ATP2B2: variants seen among roughly 807,000 people sequenced by gnomAD.
The protein encoded by ATP2B2 is plasma membrane calcium-transporting ATPase 2.
A neutral mutation model predicts 120.0 loss-of-function variants in ATP2B2; 15 were observed. The observed-to-expected ratio is 0.12, with a 90% CI of 0.08 to 0.19. The LOEUF (loss-of-function observed/expected upper bound fraction) is 0.19. Ranked by LOEUF, ATP2B2 falls within the 10% of genes least tolerant of loss-of-function variation. The pLI is 1.00. For synonymous variants in ATP2B2, 694 were observed against 700.3 expected (o/e 0.99, Z 0.14); for missense variants, 1,045 against 1,719.8 (o/e 0.61, Z 6.94).
intron 2 of ATP2B2, among the ~76,000 whole-genome samples, chr3:10,447,098 G>T (rs1032048249): frequency 6.6e-6 from 1 of 152,178 alleles, no homozygotes; most frequent in African/African-American, 2.4e-5. Flanking sequence ...GAGTCCTGGG[G>T]TCCTTGCTGC....
chr3:10,452,004 T>C (rs1405862775), intron 1 of ATP2B2, among the ~76,000 whole-genome samples: 3 of 152,238 alleles, frequency 2.0e-5, no homozygotes, highest in Non-Finnish European at 4.4e-5. Flanking sequence ...TGTAGCTACC[T>C]AGTAAACAAT....
At chr3:10,605,074 G>C (rs937798360) in intron 2 of ATP2B2, among the ~76,000 whole-genome samples, 6 of 152,128 alleles carry the variant, frequency 3.9e-5, no homozygotes, top group Non-Finnish European at 7.4e-5. Flanking sequence ...AGCATCTATT[G>C]CACCAAAGCA....
At chr3:10,526,600 T>A (rs547896715) in intron 3 of ATP2B2, among the ~76,000 whole-genome samples, 1 of 152,234 alleles carries the variant, frequency 6.6e-6, no homozygotes, top group East Asian at 1.9e-4. Flanking sequence ...CAGATTCCCC[T>A]GTGTGGCACC....
At chr3:10,650,070 C>A (rs180703888) in intron 1 of ATP2B2, among the ~76,000 whole-genome samples, 1 of 152,120 alleles carries the variant, frequency 6.6e-6, no homozygotes, top group African/African-American at 2.4e-5. Flanking sequence ...ACTGTGGAAG[C>A]GACTTTGGAA....
intron 1 of ATP2B2, among the ~76,000 whole-genome samples, chr3:10,656,020 G>C (rs2070617631): frequency 6.6e-6 from 1 of 152,228 alleles, no homozygotes; most frequent in Non-Finnish European, 1.5e-5. Flanking sequence ...GGATTGATGA[G>C]TCCAAACAGA....
intron 7 of ATP2B2, among the ~76,000 whole-genome samples, chr3:10,385,647 G>A (rs929710555): frequency 1.3e-5 from 2 of 152,184 alleles, no homozygotes; most frequent in Non-Finnish European, 2.9e-5. Flanking sequence ...AGAGTCCCCT[G>A]GAAGAGAGGG....
intron 1 of ATP2B2, among the ~76,000 whole-genome samples, chr3:10,484,450 C>G (rs1480362051): frequency 1.3e-5 from 2 of 152,088 alleles, no homozygotes; most frequent in Non-Finnish European, 2.9e-5. Context: ...CCCGTACCCC[C>G]ACAGCCACCT....
At chr3:10,376,736 C>T (rs1187055119) in intron 10 of ATP2B2, among the ~76,000 whole-genome samples, 3 of 152,214 alleles carry the variant, frequency 2.0e-5, no homozygotes, top group East Asian at 1.9e-4. Flanking sequence ...CAGTGGCTGA[C>T]GTGTTAGTCC....
intron 7 of ATP2B2, 126 bp downstream of exon 7, chr3:10,386,354 G>T: frequency 9.5e-7 from 1 of 1,049,996 alleles, no homozygotes; most frequent in Non-Finnish European, 1.5e-6. Flanking sequence ...GGGTCTGGGG[G>T]GTGGAGCCAC....
chr3:10,476,235 C>T (rs77127134), intron 1 of ATP2B2, among the ~76,000 whole-genome samples: 5,927 of 152,232 alleles, frequency 0.039, 384 homozygotes, highest in African/African-American at 0.14. Context: ...TAGCTGAAGC[C>T]GTGGAGAGCT....
intron 19 of ATP2B2, among the ~76,000 whole-genome samples, chr3:10,341,074 C>G (rs528946546): frequency 6.6e-6 from 1 of 152,114 alleles, no homozygotes; most frequent in Non-Finnish European, 1.5e-5. Flanking sequence ...GGAGGTTTTG[C>G]GCTGCCCCGA....
At chr3:10,557,119 T>C (rs777546868) in intron 2 of ATP2B2, among the ~76,000 whole-genome samples, 11 of 152,166 alleles carry the variant, frequency 7.2e-5, no homozygotes, top group Non-Finnish European at 1.5e-4. Flanking sequence ...GTGTTTCTAA[T>C]TGGCATCTCT....
chr3:10,617,100 G>T (rs2069410635), intron 2 of ATP2B2, among the ~76,000 whole-genome samples: 2 of 152,286 alleles, frequency 1.3e-5, no homozygotes, highest in South Asian at 4.1e-4. Flanking sequence ...CTGGCCATTG[G>T]CATTGTTTCC....
intron 1 of ATP2B2, among the ~76,000 whole-genome samples, chr3:10,706,104 G>C (rs556727357): frequency 6.6e-6 from 1 of 152,312 alleles, no homozygotes; most frequent in East Asian, 1.9e-4. Flanking sequence ...CTTGATTTCC[G>C]CTAGCTGTGG....
chr3:10,545,147 G>T (rs559953393), intron 2 of ATP2B2, among the ~76,000 whole-genome samples: 199 of 152,346 alleles, frequency 1.3e-3, no homozygotes, highest in African/African-American at 4.7e-3. Flanking sequence ...AGTCTCAGAA[G>T]ATTACATACT....
At chr3:10,349,862 C>T (rs529524202) in intron 16 of ATP2B2, among the ~76,000 whole-genome samples, 27 of 152,220 alleles carry the variant, frequency 1.8e-4, no homozygotes, top group Admixed American at 3.9e-4. Context: ...TGGGACCCCA[C>T]ACAGGCCCAG....
At chr3:10,541,355 GCTT>G (rs775125661) in intron 2 of ATP2B2, among the ~76,000 whole-genome samples, 4 of 151,994 alleles carry the variant, frequency 2.6e-5, no homozygotes, top group Non-Finnish European at 5.9e-5. Context: ...CAAAGTAGGG[GCTT>G]AGATTGTTGA....
chr3:10,521,378 C>G (rs1482427793), intron 3 of ATP2B2, among the ~76,000 whole-genome samples: 2 of 152,214 alleles, frequency 1.3e-5, no homozygotes, highest in Non-Finnish European at 2.9e-5. Context: ...TATCCAGGAC[C>G]AGAAAATCCT....
chr3:10,518,598 G>A (rs1559435313), intron 3 of ATP2B2, among the ~76,000 whole-genome samples: 1 of 152,206 alleles, frequency 6.6e-6, no homozygotes, highest in Non-Finnish European at 1.5e-5. Context: ...CTCCTGATCC[G>A]CTTTCTCCCA....
Sources: allele counts gnomAD v4.1 joint callset (sites outside exome capture counted in the v4.1 genomes callset), GRCh38; gene constraint gnomAD v4.1.1; transcripts MANE v1.5; gene names NCBI Gene and HGNC (gene_info 2026-07-23, HGNC 2026-07-21).